Variants in CHRNA10 observed in about 807,000 individuals in gnomAD.
CHRNA10 encodes the protein cholinergic receptor nicotinic alpha 10 subunit.
In CHRNA10, 31 loss-of-function variants were observed where a neutral mutation model predicts 36.0. That is an observed-to-expected ratio of 0.86 (90% CI 0.65 to 1.16). The LOEUF (loss-of-function observed/expected upper bound fraction) is 1.16. Ranked by LOEUF, CHRNA10 falls within the 50% of genes most tolerant of loss-of-function variation. The pLI is 0.00. For synonymous variants in CHRNA10, 302 were observed against 287.0 expected, an observed-to-expected ratio of 1.05 and a Z score of -0.53; for missense variants, 648 against 640.9, an observed-to-expected ratio of 1.01 and a Z score of -0.12.
intron 3 of CHRNA10, chr11:3,668,895 A>G: frequency 3.8e-6 from 1 of 263,884 alleles, no homozygotes; most frequent in Non-Finnish European, 7.2e-6. Flanking sequence ...CTCTTCGGGG[A>G]GCCCTGAGAG....
chr11:3,671,272 A>G lies in CHRNA10; in HGVS notation c.41T>C (p.Leu14Pro). 2 of 1,614,208 alleles carry G rather than the reference A, an allele frequency of 1.2e-6. No individual in the cohort carries two copies. The highest frequency in any genetic ancestry group is 1.7e-6 in the Non-Finnish European group (2 of 1,180,016). Residue 14 changes from leucine to proline, a missense_variant, in exon 1 of 5, where the codon CTT (leucine) becomes CCT (proline). Transcript: ENST00000250699. ...RSHHLSLGLLLLFLLPAECLG... is the reference protein window; with the variant it reads ...RSHHLSLGLLPLFLLPAECLG... ...CATACCTGCAGGGAGTAGAAACAGA[A>G]GCAGAAGGCCCAGGCTGAGGTGGTG...
Position 3,667,443 on chromosome 11 carries a change from G to GA in CHRNA10, c.683dup (p.Thr229HisfsTer109). The GA allele has an allele frequency of 6.3e-7, 1 of 1,596,134 alleles. No individual in the cohort carries two copies. Among genetic ancestry groups the GA allele is most frequent in the South Asian group, 1.1e-5 (1 of 90,750 alleles). ...CGGCGCGGCGGCGCAGCAGCAGCGT[G>GA]AAGGTGACGTCGGGGTAGGGCTCGG... is the stretch of plus-strand genomic sequence containing the variant. On this transcript the variant is annotated frameshift_variant, in exon 4 of 5. Transcript: ENST00000250699. LOFTEE classifies it high-confidence loss of function.
At chr11:3,669,551 T>C (rs551067798) in intron 2 of CHRNA10, among the ~76,000 whole-genome samples, 1 of 152,146 alleles carries the variant, frequency 6.6e-6, no homozygotes, top group East Asian at 1.9e-4. Flanking sequence ...AGCAGGAATA[T>C]GGGGTGAGAA....
chr11:3,671,157 G>GA, intron 1 of CHRNA10, 95 bp downstream of exon 1: 1 of 1,289,968 alleles, frequency 7.8e-7, no homozygotes, highest in Non-Finnish European at 1.1e-6. Flanking sequence ...GTACTGAGGA[G>GA]AAACACAAGA....
Position 3,670,768 on chromosome 11 carries a change from C to T in CHRNA10, c.61+484G>A, listed in dbSNP as rs1294063626. The stretch of plus-strand genomic sequence containing the variant: ...AATCTCCAGATCCTGTCAGATCATT[C>T]AAATCCTCCAGATTTTGCGAAACAT... On this transcript the variant is annotated intron_variant, in intron 1 of 4. Transcript: ENST00000250699. 2.6e-5 allele frequency among the ~76,000 whole-genome samples: 4 copies of T among 152,226 alleles called. No homozygotes were observed. The East Asian group carries it at 7.7e-4, about 29-fold the overall frequency.
chr11:3,667,196 C>G, intron 4 of CHRNA10, 36 bp downstream of exon 4: 1 of 1,514,238 alleles, frequency 6.6e-7, no homozygotes, highest in Non-Finnish European at 8.8e-7. Context: ...GGGACCCCAG[C>G]GCATCGTCAG....
chr11:3,669,439 G>C (rs1391225284), intron 2 of CHRNA10, 89 bp from the exon 3 acceptor site: 10 of 1,513,912 alleles, frequency 6.6e-6, no homozygotes, highest in Non-Finnish European at 9.0e-6. Flanking sequence ...GCTCTGGTCA[G>C]CACCCACAAA....
rs776814904 is a variant in CHRNA10, at chr11:3,667,482, G to A, written c.645C>T (p.Thr215=). 1.3e-6 allele frequency: 2 copies of A among 1,588,222 alleles called. No homozygotes were observed. The highest frequency in any genetic ancestry group is 1.7e-6 in the Non-Finnish European group (2 of 1,173,976). The stretch of plus-strand genomic sequence containing the variant: ...GGTAGGGCTCGGAGCAGCAGCCGTA[G>A]GTGAGCACGCGCCGCCGCGCCGGCA... ...LGMPARRRVL[T]YGCCSEPYPD... The change falls in exon 4 of 5, where the codon ACC becomes ACT. Residue 215 remains threonine, a synonymous_variant. Transcript: ENST00000250699.
rs947979872 is a variant in CHRNA10, at chr11:3,667,739, C to A, written c.388G>T (p.Ala130Ser). 9.0e-6 allele frequency: 14 copies of A among 1,560,960 alleles called. No homozygotes were observed. Among genetic ancestry groups the A allele is most frequent in the Middle Eastern group, 1.7e-4 (1 of 5,934 alleles). Residue 130 changes from alanine to serine, a missense_variant, in exon 4 of 5, where the codon GCC becomes TCC. Coordinates refer to ENST00000250699, the MANE Select transcript of CHRNA10 (RefSeq NM_020402.4). ...NKADAQPPGSASTNVVLRHDG... is the reference protein window; with the variant it reads ...NKADAQPPGSSSTNVVLRHDG... ...TGGCGCAGGACCACGTTGGTGCTGGCGGAACCTGGAGGCTGCGCGTCGGCT... is the reference window on the plus strand; with the variant it reads ...TGGCGCAGGACCACGTTGGTGCTGGAGGAACCTGGAGGCTGCGCGTCGGCT...
At position 3,667,396 on chromosome 11, in the gene CHRNA10, A is replaced by C. The variant is rs746558230; in HGVS notation, c.731T>G (p.Leu244Arg). 2 of 1,601,530 alleles carry C rather than the reference A, an allele frequency of 1.2e-6. No individual in the cohort carries two copies. ...RRAAAYVCNL[L>R]LPCVLISLLA... ...CAGCGAGATGAGCACGCAGGGCAGCAGCAGGTTGCACACGTAGGCGGCGGC... is the reference window on the plus strand; with the variant it reads ...CAGCGAGATGAGCACGCAGGGCAGCCGCAGGTTGCACACGTAGGCGGCGGC... The change falls in exon 4 of 5, where the codon CTG (leucine) becomes CGG (arginine). Residue 244 changes from leucine to arginine, a missense_variant. Physicochemically the swap from Leu to Arg is moderately radical, Grantham distance 102. Coordinates refer to ENST00000250699, the MANE Select transcript of CHRNA10 (RefSeq NM_020402.4).
intron 1 of CHRNA10, 126 bp from the exon 2 acceptor site, chr11:3,670,067 C>A: frequency 9.4e-7 from 1 of 1,063,642 alleles, no homozygotes; most frequent in South Asian, 1.5e-5. Flanking sequence ...CCTTCTCTTG[C>A]TCTAGCTGTG....
chr11:3,671,178 G>A (rs2133977505), intron 1 of CHRNA10, 74 bp downstream of exon 1: 1 of 1,442,340 alleles, frequency 6.9e-7, no homozygotes, highest in Admixed American at 1.7e-5. Flanking sequence ...GAGACTACAT[G>A]GAAAGGGATT....
chr11:3,667,861 A>C, intron 3 of CHRNA10, 97 bp from the exon 4 acceptor site: 2 of 1,072,342 alleles, frequency 1.9e-6, no homozygotes, highest in Non-Finnish European at 2.5e-6. Context: ...GGCTGAAAGA[A>C]ACCAAAACTT....
intron 2 of CHRNA10, 25 bp downstream of exon 2, chr11:3,669,771 C>T (rs746364080): frequency 1.9e-6 from 3 of 1,613,944 alleles, no homozygotes; most frequent in Non-Finnish European, 2.5e-6. Flanking sequence ...TAAGACTCCA[C>T]AGCTGTACCA....
intron 4 of CHRNA10, among the ~76,000 whole-genome samples, chr11:3,666,900 C>G (rs558849050): frequency 6.6e-5 from 10 of 152,278 alleles, no homozygotes; most frequent in Admixed American, 2.6e-4. Context: ...CCCAGAGGAC[C>G]TACTTCCTAG....
chr11:3,667,382 G>C lies in CHRNA10; in HGVS notation c.745C>G (p.Leu249Val), dbSNP rs761971862. 8 of 1,601,744 alleles carry C rather than the reference G, an allele frequency of 5.0e-6. No individual in the cohort carries two copies. The highest frequency in any genetic ancestry group is 6.8e-6 in the Non-Finnish European group (8 of 1,178,458). Residue 249 changes from leucine to valine, a missense_variant, in exon 4 of 5, where the codon CTC becomes GTC. Physicochemically the swap from Leu to Val is conservative, Grantham distance 32 (BLOSUM62 1). Transcript: ENST00000250699. ...GCGAGCGGCGCAAGCAGCGAGATGA[G>C]CACGCAGGGCAGCAGCAGGTTGCAC... ...YVCNLLLPCV[L>V]ISLLAPLAFH...
At position 3,667,635 on chromosome 11, in the gene CHRNA10, G is replaced by A. The variant is rs1490169560; in HGVS notation, c.492C>T (p.Asp164=). 28 of 1,557,744 alleles carry A rather than the reference G, an allele frequency of 1.8e-5. No individual in the cohort carries two copies. Among genetic ancestry groups the A allele is most frequent in the Middle Eastern group, 1.7e-4 (1 of 5,982 alleles). The change falls in exon 4 of 5, where the codon GAC becomes GAT. Residue 164 remains aspartate, a synonymous_variant. Transcript: ENST00000250699. ...CGAACGTCAGGCCGCAGTGCTGGGC[G>A]TCGAACGGGAAGGCTGCTACATCCA... is the stretch of plus-strand genomic sequence containing the variant. ...CRVDVAAFPF[D]AQHCGLTFGS...
Position 3,669,801 on chromosome 11 carries a change from CGA to C in CHRNA10, c.200_201del (p.Ile67ArgfsTer4). 6.2e-7 allele frequency: 1 copy of C among 1,614,186 alleles called. No individual in the cohort carries two copies. The highest frequency in any genetic ancestry group is 8.5e-7 in the Non-Finnish European group (1 of 1,180,024). ...GTACCACCACCACAACGCACCATGT[CGA>C]TGATCTGGGACAGTGTCACCTCCAG... is the stretch of plus-strand genomic sequence containing the variant. ...VTLEVTLSQIIDMDERNQVLT... is the reference protein window; with the variant it reads ...VTLEVTLSQIXDMDERNQVLT... On this transcript the variant is annotated frameshift_variant, in exon 2 of 5. Transcript: ENST00000250699. LOFTEE classifies it high-confidence loss of function.
At chr11:3,670,427 T>C (rs1183060378) in intron 1 of CHRNA10, among the ~76,000 whole-genome samples, 1 of 152,200 alleles carries the variant, frequency 6.6e-6, no homozygotes, top group Non-Finnish European at 1.5e-5. Flanking sequence ...CAAATTTTCC[T>C]CAATCCCTGA....
Sources: gnomAD v4.1 joint callset for allele counts (sites outside exome capture counted in the v4.1 genomes callset) on GRCh38, gnomAD v4.1.1 for gene constraint, MANE v1.5 for transcripts, NCBI Gene and HGNC (gene_info 2026-07-23, HGNC 2026-07-21) for gene names.